The following PNMA6A variants were observed in gnomAD, a reference collection of about 807,000 sequenced individuals.
PNMA6A encodes the protein PNMA family member 6A.
For missense variants in PNMA6A, 8 were observed against 103.5 expected, an observed-to-expected ratio of 0.08 and a Z score of 4.00; for synonymous variants, 2 against 49.3, an observed-to-expected ratio of 0.04 and a Z score of 4.02.
At position 153,074,441 on chromosome X, in the gene PNMA6A, C is replaced by T. The variant is rs2051219482; in HGVS notation, c.*179C>T. 2 of 516,980 alleles carry T rather than the reference C, an allele frequency of 3.9e-6. No individual in the cohort carries two copies. 42.6% of individuals were successfully genotyped at this position (516,980 alleles called of 1,213,427 possible). ...GCCCCCCACTTCCCCCCAAGGGGCC[C>T]TGCCCACCACCACCTTCCCGGTGAC... On this transcript the variant is annotated 3_prime_UTR_variant, in exon 2 of 2. Transcript: ENST00000421798.
chrX:153,074,373 A>G lies in PNMA6A; in HGVS notation c.*111A>G. 4.6e-6 allele frequency: 4 copies of G among 874,321 alleles called. No individual in the cohort carries two copies. The highest frequency in any genetic ancestry group is 6.3e-6 in the Non-Finnish European group (4 of 632,373). 72.1% of individuals were successfully genotyped at this position (874,321 alleles called of 1,213,427 possible). On this transcript the variant is annotated 3_prime_UTR_variant, in exon 2 of 2. Transcript: ENST00000421798. ...GCAGCAGGGCCCTGGAGACAGGCGGAGGCGGGGCCAGGGCCGGTCCCTCAC... is the reference window on the plus strand; with the variant it reads ...GCAGCAGGGCCCTGGAGACAGGCGGGGGCGGGGCCAGGGCCGGTCCCTCAC...
rs2051220214 is a variant in PNMA6A, at chrX:153,074,567, T to C, written c.*305T>C. On this transcript the variant is annotated 3_prime_UTR_variant, in exon 2 of 2. Coordinates refer to ENST00000421798, the MANE Select transcript of PNMA6A (RefSeq NM_032882.6). ...TCCTGGGAGCCCAGGTTGTGCTCACTGCTCTCCCGTATCGTGAGCACCACC... is the reference window on the plus strand; with the variant it reads ...TCCTGGGAGCCCAGGTTGTGCTCACCGCTCTCCCGTATCGTGAGCACCACC... The C allele has an allele frequency of 3.0e-6, 1 of 331,908 alleles. No individual in the cohort carries two copies. The highest frequency in any genetic ancestry group is 5.5e-6 in the Non-Finnish European group (1 of 181,620). 27.4% of individuals were successfully genotyped at this position (331,908 alleles called of 1,213,427 possible).
In PNMA6A at chrX:153,074,357, C is replaced by T. The variant is rs1444679728; in HGVS notation, c.*95C>T. 12 of 825,806 alleles carry T rather than the reference C, an allele frequency of 1.5e-5. No individual in the cohort carries two copies. The highest frequency in any genetic ancestry group is 3.8e-5 in the Admixed American group (1 of 26,178). 68.1% of individuals were successfully genotyped at this position (825,806 alleles called of 1,213,427 possible). ...CCTCTCCTCCTCTCAGGCAGCAGGGCCCTGGAGACAGGCGGAGGCGGGGCC... is the reference window on the plus strand; with the variant it reads ...CCTCTCCTCCTCTCAGGCAGCAGGGTCCTGGAGACAGGCGGAGGCGGGGCC... On this transcript the variant is annotated 3_prime_UTR_variant, in exon 2 of 2. Coordinates refer to ENST00000421798, the MANE Select transcript of PNMA6A (RefSeq NM_032882.6).
Position 153,074,384 on chromosome X carries a change from G to C in PNMA6A, c.*122G>C, listed in dbSNP as rs2051218623. On this transcript the variant is annotated 3_prime_UTR_variant, in exon 2 of 2. Coordinates refer to ENST00000421798, the MANE Select transcript of PNMA6A (RefSeq NM_032882.6). ...CTGGAGACAGGCGGAGGCGGGGCCA[G>C]GGCCGGTCCCTCACCCCACATCGGG... is the stretch of plus-strand genomic sequence containing the variant. The C allele has an allele frequency of 1.2e-5, 10 of 852,737 alleles. No homozygotes were observed. Among genetic ancestry groups the C allele is most frequent in the Middle Eastern group, 4.3e-4 (1 of 2,346 alleles). 70.3% of individuals were successfully genotyped at this position (852,737 alleles called of 1,213,427 possible). A position where few individuals can be genotyped will look rare whatever the true frequency, so the allele number is the denominator to read the frequency against.
Position 153,074,484 on chromosome X carries a change from A to G in PNMA6A, c.*222A>G. On this transcript the variant is annotated 3_prime_UTR_variant, in exon 2 of 2. Coordinates refer to ENST00000421798, the MANE Select transcript of PNMA6A (RefSeq NM_032882.6). ...CCGGTGACCCAGATGACCACATTTA[A>G]TACCAAATGGGGTGGGGGGAGGCGC... The G allele has an allele frequency of 2.3e-6, 1 of 438,588 alleles. No individual in the cohort carries two copies. The highest frequency in any genetic ancestry group is 4.0e-6 in the Non-Finnish European group (1 of 249,016). 36.1% of individuals were successfully genotyped at this position (438,588 alleles called of 1,213,427 possible).
chrX:153,074,689 G>T lies in PNMA6A; in HGVS notation c.*427G>T. ...CAGCTCCTCCCCAGAGGACCCCAGC[G>T]CAGTCCCGGGAGATGGCGGAAAGAA... On this transcript the variant is annotated 3_prime_UTR_variant, in exon 2 of 2. Transcript: ENST00000421798. The T allele has an allele frequency of 1.2e-5, 2 of 164,440 alleles. No homozygotes were observed. The highest frequency in any genetic ancestry group is 3.3e-4 in the South Asian group (2 of 5,989). 13.6% of individuals were successfully genotyped at this position (164,440 alleles called of 1,213,427 possible).
chrX:153,074,497 T>C lies in PNMA6A; in HGVS notation c.*235T>C. 4.7e-6 allele frequency: 2 copies of C among 423,269 alleles called. No individual in the cohort carries two copies. The highest frequency in any genetic ancestry group is 7.3e-5 in the South Asian group (2 of 27,302). The allele number at this position is 423,269 out of a possible 1,213,427, so 34.9% of individuals were successfully genotyped here. A position where few individuals can be genotyped will look rare whatever the true frequency, so the allele number is the denominator to read the frequency against. On this transcript the variant is annotated 3_prime_UTR_variant, in exon 2 of 2. Coordinates refer to ENST00000421798, the MANE Select transcript of PNMA6A (RefSeq NM_032882.6). ...TGACCACATTTAATACCAAATGGGG[T>C]GGGGGGAGGCGCCCCTCCAGTGCCA...
At chrX:153,072,861 AGTGGAC>A in intron 1 of PNMA6A, 68 bp from the exon 2 acceptor site, 1 of 18,748 alleles carries the variant, frequency 5.3e-5, no homozygotes, top group Non-Finnish European at 9.7e-5. Flanking sequence ...TGGGGGTGGG[AGTGGAC>A]GTGGACGTGG....
At position 153,074,575 on chromosome X, in the gene PNMA6A, C is replaced by T. The variant is rs939436421; in HGVS notation, c.*313C>T. 2.9e-5 allele frequency: 9 copies of T among 308,273 alleles called. No homozygotes were observed. The highest frequency in any genetic ancestry group is 1.6e-4 in the South Asian group (3 of 18,852). The allele number at this position is 308,273 out of a possible 1,213,427, so 25.4% of individuals were successfully genotyped here. A position where few individuals can be genotyped will look rare whatever the true frequency, so the allele number is the denominator to read the frequency against. ...GCCCAGGTTGTGCTCACTGCTCTCC[C>T]GTATCGTGAGCACCACCTCTGCTTT... is the stretch of plus-strand genomic sequence containing the variant. On this transcript the variant is annotated 3_prime_UTR_variant, in exon 2 of 2. Transcript: ENST00000421798.
chrX:153,072,861 AGTGGACGTGGAC>A, intron 1 of PNMA6A, 62 bp from the exon 2 acceptor site: 4 of 18,745 alleles, frequency 2.1e-4, no homozygotes, highest in East Asian at 2.1e-3. Context: ...TGGGGGTGGG[AGTGGACGTGGAC>A]GTGGACGTGG....
At position 153,074,578 on chromosome X, in the gene PNMA6A, A is replaced by C. The variant is rs2051220294; in HGVS notation, c.*316A>C. On this transcript the variant is annotated 3_prime_UTR_variant, in exon 2 of 2. Transcript: ENST00000421798. ...CAGGTTGTGCTCACTGCTCTCCCGT[A>C]TCGTGAGCACCACCTCTGCTTTCCC... 1.0e-5 allele frequency: 3 copies of C among 298,852 alleles called. No homozygotes were observed. The East Asian group carries it at 2.1e-4, about 21-fold the overall frequency. The allele number at this position is 298,852 out of a possible 1,213,427, so 24.6% of individuals were successfully genotyped here.
rs1168485866 is a variant in PNMA6A at position 153,074,651 on chromosome X, GTTC to G, written c.*394_*396del. The G allele has an allele frequency of 7.0e-5, 14 of 199,959 alleles. No individual in the cohort carries two copies. Among genetic ancestry groups the G allele is most frequent in the Non-Finnish European group, 1.2e-4 (12 of 103,005 alleles). 16.5% of individuals were successfully genotyped at this position (199,959 alleles called of 1,213,427 possible). ...TGCTTGTTTTTGTGGAGCCGTGTGT[GTTC>G]TTCTCTGAGCAGCTCCTCCCCAGAG... On this transcript the variant is annotated 3_prime_UTR_variant, in exon 2 of 2. Transcript: ENST00000421798.
At position 153,074,579 on chromosome X, in the gene PNMA6A, T is replaced by G; in HGVS notation, c.*317T>G. 1 of 299,890 alleles carries G rather than the reference T, an allele frequency of 3.3e-6. No homozygotes were observed. 24.7% of individuals were successfully genotyped at this position (299,890 alleles called of 1,213,427 possible). ...AGGTTGTGCTCACTGCTCTCCCGTA[T>G]CGTGAGCACCACCTCTGCTTTCCCT... On this transcript the variant is annotated 3_prime_UTR_variant, in exon 2 of 2. Transcript: ENST00000421798.
chrX:153,074,848 C>T lies in PNMA6A; in HGVS notation c.*586C>T, dbSNP rs1035201532. On this transcript the variant is annotated 3_prime_UTR_variant, in exon 2 of 2. Coordinates refer to ENST00000421798, the MANE Select transcript of PNMA6A (RefSeq NM_032882.6). ...AACTTTGTGCTTTGGCGTTCCACCC[C>T]TGTTGTTACTTGTTACTGAGTTTCC... The T allele has an allele frequency of 7.9e-6, 1 of 126,549 alleles. No individual in the cohort carries two copies. Among genetic ancestry groups the T allele is most frequent in the Non-Finnish European group, 1.8e-5 (1 of 55,531 alleles). 10.4% of individuals were successfully genotyped at this position (126,549 alleles called of 1,213,427 possible).
chrX:153,074,449 C>CA lies in PNMA6A; in HGVS notation c.*188dup, dbSNP rs2051219540. ...CTTCCCCCCAAGGGGCCCTGCCCAC[C>CA]ACCACCTTCCCGGTGACCCAGATGA... On this transcript the variant is annotated 3_prime_UTR_variant, in exon 2 of 2. Transcript: ENST00000421798. 2.0e-6 allele frequency: 1 copy of CA among 504,084 alleles called. No individual in the cohort carries two copies. The allele number at this position is 504,084 out of a possible 1,213,427, so 41.5% of individuals were successfully genotyped here. A position where few individuals can be genotyped will look rare whatever the true frequency, so the allele number is the denominator to read the frequency against.
Position 153,074,763 on chromosome X carries a change from T to C in PNMA6A, c.*501T>C, listed in dbSNP as rs2051221485. ...CATCCCGTGACAGCGATGGTGACCA[T>C]GACTGTGGGAGAAAGAACAGGACCC... On this transcript the variant is annotated 3_prime_UTR_variant, in exon 2 of 2. Coordinates refer to ENST00000421798, the MANE Select transcript of PNMA6A (RefSeq NM_032882.6). 7.4e-6 allele frequency: 1 copy of C among 135,134 alleles called. No individual in the cohort carries two copies. Among genetic ancestry groups the C allele is most frequent in the South Asian group, 2.7e-4 (1 of 3,705 alleles). The allele number at this position is 135,134 out of a possible 1,213,427, so 11.1% of individuals were successfully genotyped here. A position where few individuals can be genotyped will look rare whatever the true frequency, so the allele number is the denominator to read the frequency against.
In PNMA6A at chrX:153,074,861, T is replaced by C. The variant is rs990940485; in HGVS notation, c.*599T>C. 2 of 125,999 alleles carry C rather than the reference T, an allele frequency of 1.6e-5. No homozygotes were observed. The highest frequency in any genetic ancestry group is 1.8e-4 in the Admixed American group (2 of 11,231). The allele number at this position is 125,999 out of a possible 1,213,427, so 10.4% of individuals were successfully genotyped here. A position where few individuals can be genotyped will look rare whatever the true frequency, so the allele number is the denominator to read the frequency against. On this transcript the variant is annotated 3_prime_UTR_variant, in exon 2 of 2. Coordinates refer to ENST00000421798, the MANE Select transcript of PNMA6A (RefSeq NM_032882.6). ...GGCGTTCCACCCCTGTTGTTACTTG[T>C]TACTGAGTTTCCTAGACCTGGGGTG...
chrX:153,074,470 G>A lies in PNMA6A; in HGVS notation c.*208G>A, dbSNP rs2051219601. The A allele has an allele frequency of 2.1e-6, 1 of 465,975 alleles. No individual in the cohort carries two copies. The highest frequency in any genetic ancestry group is 2.4e-5 in the African/African-American group (1 of 41,002). The allele number at this position is 465,975 out of a possible 1,213,427, so 38.4% of individuals were successfully genotyped here. ...CCACCACCACCTTCCCGGTGACCCA[G>A]ATGACCACATTTAATACCAAATGGG... On this transcript the variant is annotated 3_prime_UTR_variant, in exon 2 of 2. Coordinates refer to ENST00000421798, the MANE Select transcript of PNMA6A (RefSeq NM_032882.6).
In PNMA6A at chrX:153,074,508, G is replaced by A. The variant is rs1164800835; in HGVS notation, c.*246G>A. ...AATACCAAATGGGGTGGGGGGAGGCGCCCCTCCAGTGCCAGGGGCACGTGC... is the reference window on the plus strand; with the variant it reads ...AATACCAAATGGGGTGGGGGGAGGCACCCCTCCAGTGCCAGGGGCACGTGC... On this transcript the variant is annotated 3_prime_UTR_variant, in exon 2 of 2. Coordinates refer to ENST00000421798, the MANE Select transcript of PNMA6A (RefSeq NM_032882.6). 7 of 411,744 alleles carry A rather than the reference G, an allele frequency of 1.7e-5. No individual in the cohort carries two copies. Among genetic ancestry groups the A allele is most frequent in the Middle Eastern group, 7.0e-4 (1 of 1,428 alleles). The allele number at this position is 411,744 out of a possible 1,213,427, so 33.9% of individuals were successfully genotyped here.
Sources: gnomAD v4.1 joint callset for allele counts on GRCh38, gnomAD v4.1.1 for gene constraint, MANE v1.5 for transcripts, NCBI Gene and HGNC (gene_info 2026-07-23, HGNC 2026-07-21) for gene names.